The following PDZD2 variants were observed in gnomAD, a reference collection of about 807,000 sequenced individuals.
PDZD2 encodes the protein PDZ domain-containing protein 2.
PDZD2 carries 90 observed loss-of-function variants against 220.7 expected under a neutral mutation model. The ratio of observed to expected loss-of-function variants is 0.41; its 90% CI spans 0.34 to 0.49. The LOEUF (loss-of-function observed/expected upper bound fraction) is 0.49. Among genes scored for constraint, PDZD2 ranks in the 20% least tolerant of loss-of-function variants. The pLI is 0.28. For synonymous variants in PDZD2, 1,375 were observed against 1,450.5 expected (o/e 0.95, Z 1.18); for missense variants, 3,174 against 3,608.5 (o/e 0.88, Z 3.08).
At chr5:31,919,358 CTT>C (rs11349783) in intron 2 of PDZD2, among the ~76,000 whole-genome samples, 126 of 140,582 alleles carry the variant, frequency 9.0e-4, no homozygotes, top group Middle Eastern at 3.6e-3. Context: ...ATTGTCTTGT[CTT>C]TTTTTTTTTT....
chr5:32,030,955 C>T (rs553186020), intron 6 of PDZD2, among the ~76,000 whole-genome samples: 7 of 152,228 alleles, frequency 4.6e-5, no homozygotes, highest in African/African-American at 1.4e-4. Context: ...TCATTCTTCT[C>T]GGTCTTCCCT....
intron 6 of PDZD2, among the ~76,000 whole-genome samples, chr5:32,011,218 G>A (rs929790324): frequency 2.0e-5 from 3 of 152,002 alleles, no homozygotes; most frequent in Non-Finnish European, 4.4e-5. Flanking sequence ...GCTAGGTGCT[G>A]TGGCTCATGC....
intron 1 of PDZD2, among the ~76,000 whole-genome samples, chr5:31,752,115 A>G (rs1580687425): frequency 1.0e-5 from 1 of 99,604 alleles, no homozygotes; most frequent in Non-Finnish European, 2.0e-5. Flanking sequence ...TGCTTTATCA[A>G]TCACTTAGGC....
intron 1 of PDZD2, among the ~76,000 whole-genome samples, chr5:31,737,362 T>A (rs185674465): frequency 6.6e-6 from 1 of 151,522 alleles, no homozygotes; most frequent in Non-Finnish European, 1.5e-5. Context: ...TTAGTAGAGA[T>A]GGGGTTTCAC....
chr5:31,852,817 G>A (rs768408630), intron 2 of PDZD2, among the ~76,000 whole-genome samples: 2 of 151,958 alleles, frequency 1.3e-5, no homozygotes, highest in Admixed American at 6.5e-5. Flanking sequence ...GGCTGGTCTC[G>A]AACTCCTGAC....
intron 1 of PDZD2, among the ~76,000 whole-genome samples, chr5:31,712,413 G>A (rs1410652623): frequency 1.3e-5 from 2 of 151,656 alleles, no homozygotes; most frequent in East Asian, 3.9e-4. Context: ...AGAGCTGGAC[G>A]ACTGGGTTCA....
intron 1 of PDZD2, among the ~76,000 whole-genome samples, chr5:31,776,658 A>ATTTATTTT (rs1458340012): frequency 6.8e-6 from 1 of 146,448 alleles, no homozygotes; most frequent in Non-Finnish European, 1.5e-5. Context: ...TTATTTATTT[A>ATTTATTTT]TTTATTTTGA....
chr5:31,777,149 G>T (rs7709548), intron 1 of PDZD2, among the ~76,000 whole-genome samples: 1 of 152,000 alleles, frequency 6.6e-6, no homozygotes, highest in South Asian at 2.1e-4. Flanking sequence ...CGCTCGCGGG[G>T]CAGCGTGAGT....
intron 18 of PDZD2, 79 bp downstream of exon 18, chr5:32,074,722 T>C (rs1741126211): frequency 2.2e-6 from 2 of 895,794 alleles, no homozygotes; most frequent in Non-Finnish European, 1.7e-6. Flanking sequence ...TTGTAAAGCA[T>C]GGGTAAGCTG....
chr5:31,974,021 C>T (rs1368070822), intron 2 of PDZD2, among the ~76,000 whole-genome samples: 1 of 152,166 alleles, frequency 6.6e-6, no homozygotes, highest in Admixed American at 6.6e-5. Context: ...CACTCCGTCA[C>T]CCAGGCTGGA....
chr5:32,058,044 T>C lies in PDZD2; in HGVS notation c.2141T>C (p.Leu714Pro). ...TCCGATGAAGGCAGTTCTTCATCCC[T>C]GGGTCGGAAGACCCCTGGGCCCAAG... ...GGSDEGSSSS[L>P]GRKTPGPKDR... Residue 714 changes from leucine (L) to proline (P), a missense_variant, in exon 12 of 25, where the codon CTG becomes CCG. Coordinates refer to ENST00000438447, the MANE Select transcript of PDZD2 (RefSeq NM_178140.4). 6.2e-7 allele frequency: 1 copy of C among 1,612,814 alleles called. No homozygotes were observed.
chr5:31,972,483 T>A (rs919732179), intron 2 of PDZD2, among the ~76,000 whole-genome samples: 1 of 152,190 alleles, frequency 6.6e-6, no homozygotes, highest in African/African-American at 2.4e-5. Flanking sequence ...ATGCTTACTT[T>A]AATAGGTGTA....
chr5:31,848,909 C>T (rs367564944), intron 2 of PDZD2, among the ~76,000 whole-genome samples: 40 of 151,404 alleles, frequency 2.6e-4, no homozygotes, highest in African/African-American at 6.5e-4. Flanking sequence ...ATTAGCCAGG[C>T]GTGGTGGCAG....
At chr5:32,048,177 T>C (rs918771272) in intron 7 of PDZD2, among the ~76,000 whole-genome samples, 6 of 152,228 alleles carry the variant, frequency 3.9e-5, no homozygotes, top group African/African-American at 1.4e-4. Flanking sequence ...AATGAAACTA[T>C]ACCAATCACA....
chr5:31,950,584 A>G (rs189194778), intron 2 of PDZD2, among the ~76,000 whole-genome samples: 17 of 152,288 alleles, frequency 1.1e-4, no homozygotes, highest in Admixed American at 1.0e-3. Flanking sequence ...ATTCCAGAAG[A>G]AATTAAATGG....
intron 7 of PDZD2, among the ~76,000 whole-genome samples, chr5:32,041,922 A>AC (rs1756192591): frequency 6.7e-6 from 1 of 149,674 alleles, no homozygotes; most frequent in African/African-American, 2.4e-5. Context: ...AAAAAAAAAA[A>AC]AAAACATCAA....
intron 1 of PDZD2, among the ~76,000 whole-genome samples, chr5:31,642,938 A>G (rs1745003832): frequency 6.6e-6 from 1 of 152,166 alleles, no homozygotes; most frequent in African/African-American, 2.4e-5. Context: ...AGGGAAAGGA[A>G]GGACTCCTGA....
At chr5:31,863,229 G>T (rs1327224394) in intron 2 of PDZD2, among the ~76,000 whole-genome samples, 2 of 152,092 alleles carry the variant, frequency 1.3e-5, no homozygotes, top group Non-Finnish European at 2.9e-5. Flanking sequence ...CCATCTTCTT[G>T]ACCCCTAACC....
rs1290998335 is a variant in PDZD2 at position 31,983,441 on chromosome 5, G to A, written c.763G>A (p.Asp255Asn). 1 of 1,614,218 alleles carries A rather than the reference G, an allele frequency of 6.2e-7. No homozygotes were observed. Among genetic ancestry groups the A allele is most frequent in the Non-Finnish European group, 8.5e-7 (1 of 1,180,024 alleles). ...CAGCACTGAGCTGGAGAACGGCCCT[G>A]ACCCTGAACTTGGAAACGGCCATGT... is the stretch of plus-strand genomic sequence containing the variant. ...DPSTELENGP[D>N]PELGNGHVFQ... The change falls in exon 3 of 25, where the codon GAC (aspartate) becomes AAC (asparagine). Residue 255 changes from aspartate to asparagine, a missense_variant. Asp to Asn is a conservative substitution (Grantham distance 23). Transcript: ENST00000438447.
Sources: allele counts gnomAD v4.1 joint callset (sites outside exome capture counted in the v4.1 genomes callset), GRCh38; gene constraint gnomAD v4.1.1; transcripts MANE v1.5; gene names NCBI Gene and HGNC (gene_info 2026-07-23, HGNC 2026-07-21).